KAT14: variants seen among roughly 807,000 people sequenced by gnomAD.
KAT14 encodes lysine acetyltransferase 14.
In KAT14, 66 loss-of-function variants were observed where a neutral mutation model predicts 78.4. The observed-to-expected ratio is 0.84, with a 90% CI of 0.69 to 1.03. The LOEUF (loss-of-function observed/expected upper bound fraction) is 1.03. KAT14 is among the 50% of genes least tolerant of loss of function. KAT14 has a pLI of 0.00. For missense variants in KAT14, 870 were observed against 972.5 expected, an observed-to-expected ratio of 0.89 and a Z score of 1.40; for synonymous variants, 344 against 359.4, an observed-to-expected ratio of 0.96 and a Z score of 0.48.
In KAT14 at chr20:18,159,242, C is replaced by G. The variant is rs144777902; in HGVS notation, c.659C>G (p.Ser220Cys). Reference sequence around the variant, plus strand: ...ATGAAACCTGAAGGAGAGAAGTTGTCTGCCTCTACTTTGAAAATAAAAGGT... The same window carrying G: ...ATGAAACCTGAAGGAGAGAAGTTGTGTGCCTCTACTTTGAAAATAAAAGGT... ...PTMKPEGEKL[S>C]ASTLKIKASK... The change falls in exon 5 of 11, where the codon TCT becomes TGT. Residue 220 changes from serine (S) to cysteine (C), a missense_variant. Physicochemically the swap from Ser to Cys is moderately radical, Grantham distance 112 (BLOSUM62 -1). Coordinates refer to ENST00000688188, the MANE Select transcript of KAT14 (RefSeq NM_001392073.1). 6.2e-6 allele frequency: 10 copies of G among 1,613,960 alleles called. No homozygotes were observed. In the East Asian group the frequency reaches 2.0e-4, roughly 32 times the overall value.
upstream of KAT14, chr20:18,137,750 G>A (rs921884775): frequency 2.1e-6 from 1 of 479,732 alleles, no homozygotes; most frequent in Non-Finnish European, 3.5e-6. Flanking sequence ...GGCCCCTAGT[G>A]AAGCCAAGAG....
intron 10 of KAT14, 46 bp from the exon 11 acceptor site, chr20:18,187,240 T>G: frequency 1.3e-6 from 2 of 1,557,394 alleles, no homozygotes; most frequent in East Asian, 2.3e-5. Flanking sequence ...TCATTTTCCC[T>G]CAGGCCTTTC....
intron 7 of KAT14, among the ~76,000 whole-genome samples, chr20:18,169,098 A>C (rs1001534942): frequency 1.3e-5 from 2 of 152,054 alleles, no homozygotes; most frequent in Non-Finnish European, 1.5e-5. Context: ...AAATAAGCCC[A>C]TCATCAAAGG....
chr20:18,178,111 A>AAAAAAAC (rs2039113861), intron 7 of KAT14, among the ~76,000 whole-genome samples: 1 of 151,080 alleles, frequency 6.6e-6, no homozygotes, highest in African/African-American at 2.4e-5. Flanking sequence ...CTATCTCAAA[A>AAAAAAAC]AAAAAACAAA....
chr20:18,154,406 A>C (rs1482624693), intron 4 of KAT14, among the ~76,000 whole-genome samples: 4 of 152,110 alleles, frequency 2.6e-5, no homozygotes, highest in Admixed American at 2.6e-4. Context: ...TCCGCCTCCC[A>C]GGTTCAAGCA....
intron 3 of KAT14, among the ~76,000 whole-genome samples, chr20:18,148,653 A>G (rs2037920898): frequency 6.7e-6 from 1 of 148,298 alleles, no homozygotes; most frequent in African/African-American, 2.5e-5. Context: ...CTTGTTGCCC[A>G]GGCTGGAGTG....
In KAT14 at chr20:18,162,963, C is replaced by CT. The variant is rs771519465; in HGVS notation, c.1668+19dup. 27 of 1,609,006 alleles carry CT rather than the reference C, an allele frequency of 1.7e-5. No homozygotes were observed. The South Asian group carries it at 3.0e-4, about 18-fold the overall frequency. ...GATACCAGGTGAATGCAAGCACTTGCTGTAAAGCCCTTGGGGGCAGGAGTG... is the reference window on the plus strand; with the variant it reads ...GATACCAGGTGAATGCAAGCACTTGCTTGTAAAGCCCTTGGGGGCAGGAGTG... On this transcript the variant is annotated intron_variant, in intron 7 of 10. Transcript: ENST00000688188.
chr20:18,156,592 A>C (rs1268453688), intron 4 of KAT14, among the ~76,000 whole-genome samples: 2 of 152,212 alleles, frequency 1.3e-5, no homozygotes, highest in Non-Finnish European at 2.9e-5. Flanking sequence ...ACAGAAATGT[A>C]TTCTAGTTCT....
intron 4 of KAT14, among the ~76,000 whole-genome samples, chr20:18,154,820 C>T (rs1441353407): frequency 1.3e-5 from 2 of 152,080 alleles, no homozygotes; most frequent in Admixed American, 6.6e-5. Flanking sequence ...TGCAAAATTA[C>T]GTATCTTAAA....
At chr20:18,172,473 T>C (rs548178561) in intron 7 of KAT14, among the ~76,000 whole-genome samples, 6 of 151,920 alleles carry the variant, frequency 3.9e-5, no homozygotes, top group African/African-American at 1.4e-4. Context: ...CATGGCTCAC[T>C]GTAGCTGTCA....
Position 18,187,569 on chromosome 20 carries a change from G to T in KAT14, c.*110G>T. ...GGAGCTCTAATCTCTGTGATTACAT[G>T]GTCCTTCAAACTCCCAACCAAAGTG... is the stretch of plus-strand genomic sequence containing the variant. On this transcript the variant is annotated 3_prime_UTR_variant, in exon 11 of 11. Coordinates refer to ENST00000688188, the MANE Select transcript of KAT14 (RefSeq NM_001392073.1). The T allele has an allele frequency of 6.6e-7, 1 of 1,524,402 alleles. No homozygotes were observed. The highest frequency in any genetic ancestry group is 8.8e-7 in the Non-Finnish European group (1 of 1,138,824). 94.4% of individuals were successfully genotyped at this position (1,524,402 alleles called of 1,614,324 possible).
At position 18,183,162 on chromosome 20, in the gene KAT14, G is replaced by A. The variant is rs779601058; in HGVS notation, c.1845G>A (p.Leu615=). The change falls in exon 9 of 11, where the codon CTG becomes CTA. Residue 615 remains leucine, a synonymous_variant. Coordinates refer to ENST00000688188, the MANE Select transcript of KAT14 (RefSeq NM_001392073.1). ...CAAAGCCACCCAAACTGCAGCTCCTGTCACAGATTCGTTCCCACCTGCACA... is the reference window on the plus strand; with the variant it reads ...CAAAGCCACCCAAACTGCAGCTCCTATCACAGATTCGTTCCCACCTGCACA... ...YETKPPKLQL[L]SQIRSHLHRS... 13 of 1,613,200 alleles carry A rather than the reference G, an allele frequency of 8.1e-6. No individual in the cohort carries two copies. The highest frequency in any genetic ancestry group is 1.1e-5 in the Non-Finnish European group (13 of 1,179,674).
At chr20:18,139,633 CGTGT>C (rs71194228) in intron 1 of KAT14, among the ~76,000 whole-genome samples, 30,710 of 141,344 alleles carry the variant, frequency 0.22, 3,327 homozygotes, top group Non-Finnish European at 0.25. Context: ...ACCAAAATAA[CGTGT>C]GTGTGTGTGT....
chr20:18,139,378 G>C (rs2037434511), intron 1 of KAT14, among the ~76,000 whole-genome samples: 1 of 152,184 alleles, frequency 6.6e-6, no homozygotes, highest in Non-Finnish European at 1.5e-5. Context: ...GATGTTTGAA[G>C]GGTTTGGGTA....
intron 5 of KAT14, among the ~76,000 whole-genome samples, chr20:18,160,635 T>G (rs1470818885): frequency 6.6e-6 from 1 of 152,136 alleles, no homozygotes; most frequent in East Asian, 1.9e-4. Context: ...GTAATAGAGA[T>G]AGGGTCTCGC....
Position 18,187,280 on chromosome 20 carries a change from T to G in KAT14, c.2173-6T>G, listed in dbSNP as rs1235660275. The G allele has an allele frequency of 6.3e-7, 1 of 1,593,710 alleles. No homozygotes were observed. Among genetic ancestry groups the G allele is most frequent in the Non-Finnish European group, 8.5e-7 (1 of 1,174,334 alleles). On this transcript the variant is annotated splice_region_variant and splice_polypyrimidine_tract_variant and intron_variant, in intron 10 of 10. Coordinates refer to ENST00000688188, the MANE Select transcript of KAT14 (RefSeq NM_001392073.1). ...TTTATCTTGTATTTTTCCACTCTTT[T>G]GGCAGACCTGCATGGGCAAGGACGT... is the stretch of plus-strand genomic sequence containing the variant.
intron 7 of KAT14, among the ~76,000 whole-genome samples, chr20:18,164,795 A>T (rs1429996797): frequency 6.6e-6 from 1 of 150,920 alleles, no homozygotes; most frequent in Admixed American, 6.6e-5. Flanking sequence ...TTTTTTTTTA[A>T]TTTTTATTTT....
intron 10 of KAT14, among the ~76,000 whole-genome samples, chr20:18,186,191 C>T (rs1408230529): frequency 1.3e-5 from 2 of 152,144 alleles, no homozygotes; most frequent in Non-Finnish European, 2.9e-5. Flanking sequence ...TTTGCGAGGC[C>T]ACTGGAGGAG....
At chr20:18,179,044 A>G (rs2039153787) in intron 7 of KAT14, among the ~76,000 whole-genome samples, 1 of 152,216 alleles carries the variant, frequency 6.6e-6, no homozygotes, top group Non-Finnish European at 1.5e-5. Context: ...GAATTCCAGC[A>G]GGGCAAATTC....
Sources: gnomAD v4.1 joint callset for allele counts (sites outside exome capture counted in the v4.1 genomes callset) on GRCh38, gnomAD v4.1.1 for gene constraint, MANE v1.5 for transcripts, NCBI Gene and HGNC (gene_info 2026-07-23, HGNC 2026-07-21) for gene names.